CPPED1: variants seen among roughly 807,000 people sequenced by gnomAD.
CPPED1 encodes the protein serine/threonine-protein phosphatase CPPED1.
In CPPED1, 28 loss-of-function variants were observed where a neutral mutation model predicts 28.0. The ratio of observed to expected loss-of-function variants is 1.00; its 90% CI spans 0.74 to 1.37. The LOEUF (loss-of-function observed/expected upper bound fraction) is 1.37. CPPED1 is among the 40% of genes most tolerant of loss of function. The pLI is 0.00. For synonymous variants in CPPED1, 198 were observed against 180.2 expected (o/e 1.10, Z -0.79); for missense variants, 504 against 416.5 (o/e 1.21, Z -1.83).
chr16:12,715,848 A>T (rs1324275947), intron 2 of CPPED1, among the ~76,000 whole-genome samples: 1 of 152,168 alleles, frequency 6.6e-6, no homozygotes, highest in Non-Finnish European at 1.5e-5. Flanking sequence ...GGTTTTAAGG[A>T]AGCTTGTCCA....
chr16:12,672,210 T>C (rs1204402398), intron 3 of CPPED1, among the ~76,000 whole-genome samples: 1 of 152,200 alleles, frequency 6.6e-6, no homozygotes, highest in African/African-American at 2.4e-5. Context: ...AAAGAACTCA[T>C]GTTAAGGGGG....
At chr16:12,765,808 A>G (rs2080434745) in intron 2 of CPPED1, among the ~76,000 whole-genome samples, 1 of 152,066 alleles carries the variant, frequency 6.6e-6, no homozygotes, top group South Asian at 2.1e-4. Context: ...ATATGTCCTC[A>G]CCCGTTCTGG....
At chr16:12,736,201 T>G (rs958230429) in intron 2 of CPPED1, among the ~76,000 whole-genome samples, 1 of 144,416 alleles carries the variant, frequency 6.9e-6, no homozygotes, top group Non-Finnish European at 1.5e-5. Context: ...TATGCAAGTA[T>G]TACTAAACTC....
At chr16:12,788,985 C>T (rs1350051739) in intron 1 of CPPED1, among the ~76,000 whole-genome samples, 1 of 152,320 alleles carries the variant, frequency 6.6e-6, no homozygotes, top group Middle Eastern at 3.4e-3. Flanking sequence ...ACAAACTCGA[C>T]GTCTGTGGAT....
intron 2 of CPPED1, among the ~76,000 whole-genome samples, chr16:12,722,518 G>A (rs931439705): frequency 3.9e-5 from 6 of 152,062 alleles, no homozygotes; most frequent in East Asian, 1.9e-4. Context: ...AAAGCGGATC[G>A]CTGGAGCCCC....
Position 12,709,216 on chromosome 16 carries a change from C to CA in CPPED1, c.290-4168dup. 6.6e-6 allele frequency among the ~76,000 whole-genome samples: 1 copy of CA among 152,064 alleles called. No individual in the cohort carries two copies. Among genetic ancestry groups the CA allele is most frequent in the East Asian group, 1.9e-4 (1 of 5,184 alleles). Reference sequence around the variant, plus strand: ...TGTCTCACGCAGGGTTCTATGTTCACAAAAAGAATGTATATAAAGGACAGG... The same window carrying CA: ...TGTCTCACGCAGGGTTCTATGTTCACAAAAAAGAATGTATATAAAGGACAGG... On this transcript the variant is annotated intron_variant, in intron 2 of 3. Coordinates refer to ENST00000381774, the MANE Select transcript of CPPED1 (RefSeq NM_018340.3). The surrounding 1 kb of genome is among the most constrained non-coding windows in gnomAD (Gnocchi z 4.4).
At chr16:12,696,348 G>C (rs2079990135) in intron 3 of CPPED1, among the ~76,000 whole-genome samples, 1 of 152,080 alleles carries the variant, frequency 6.6e-6, no homozygotes, top group Admixed American at 6.6e-5. Flanking sequence ...GCCTGCTGTG[G>C]GGTCCCCAAA....
At chr16:12,692,536 G>A (rs902565051) in intron 3 of CPPED1, among the ~76,000 whole-genome samples, 8 of 152,260 alleles carry the variant, frequency 5.3e-5, no homozygotes, top group South Asian at 2.1e-4. Context: ...AAAACCCACC[G>A]CACCTGCTTC....
chr16:12,695,677 C>T (rs1251213694), intron 3 of CPPED1, among the ~76,000 whole-genome samples: 1 of 152,212 alleles, frequency 6.6e-6, no homozygotes, highest in Non-Finnish European at 1.5e-5. Context: ...TTTGGCCAAT[C>T]ACAGGCAGTC....
At chr16:12,711,495 C>T (rs1016175153) in intron 2 of CPPED1, among the ~76,000 whole-genome samples, 3 of 152,150 alleles carry the variant, frequency 2.0e-5, no homozygotes, top group African/African-American at 2.4e-5. Context: ...TGTAACGTTA[C>T]GTATATTCTG....
intron 3 of CPPED1, among the ~76,000 whole-genome samples, chr16:12,674,283 C>T (rs1216474769): frequency 2.0e-5 from 3 of 152,118 alleles, no homozygotes; most frequent in Non-Finnish European, 4.4e-5. Context: ...TGACTAACTC[C>T]GTCCTCCTGG....
chr16:12,785,314 G>A (rs1350634287), intron 1 of CPPED1, among the ~76,000 whole-genome samples: 1 of 152,042 alleles, frequency 6.6e-6, no homozygotes, highest in Admixed American at 6.6e-5. Context: ...CAGTGGCACA[G>A]TCATGGCTCC....
chr16:12,689,972 ATT>A (rs1464851843), intron 3 of CPPED1, among the ~76,000 whole-genome samples: 3 of 152,234 alleles, frequency 2.0e-5, no homozygotes, highest in Admixed American at 6.5e-5. Flanking sequence ...AGTAACAACC[ATT>A]TTATCAAACA....
At chr16:12,778,351 T>C (rs1485020686) in intron 2 of CPPED1, among the ~76,000 whole-genome samples, 1 of 148,890 alleles carries the variant, frequency 6.7e-6, no homozygotes, top group Admixed American at 6.7e-5. Context: ...ATCTTGCTCA[T>C]TGCAACCTCC....
chr16:12,741,473 CA>C (rs1312927534), intron 2 of CPPED1, among the ~76,000 whole-genome samples: 4 of 152,104 alleles, frequency 2.6e-5, no homozygotes, highest in African/African-American at 9.7e-5. Context: ...GCAGTTTTTG[CA>C]ATGGGCCTGA....
At chr16:12,710,514 T>C (rs535534545) in intron 2 of CPPED1, among the ~76,000 whole-genome samples, 1 of 149,244 alleles carries the variant, frequency 6.7e-6, no homozygotes, top group South Asian at 2.1e-4. Context: ...TGCAAAACGT[T>C]TGTGCATCAA....
intron 2 of CPPED1, among the ~76,000 whole-genome samples, chr16:12,727,280 C>T (rs2080175141): frequency 6.6e-6 from 1 of 152,206 alleles, no homozygotes; most frequent in African/African-American, 2.4e-5. Context: ...AACAGTAACA[C>T]TCAATGATCA....
At chr16:12,749,060 G>A (rs2080310323) in intron 2 of CPPED1, among the ~76,000 whole-genome samples, 1 of 152,084 alleles carries the variant, frequency 6.6e-6, no homozygotes, top group Non-Finnish European at 1.5e-5. Context: ...TGATGAGGAC[G>A]CTAGCTGCTG....
At chr16:12,747,497 TCCCTCTATAGGC>T (rs1279803569) in intron 2 of CPPED1, among the ~76,000 whole-genome samples, 1 of 151,252 alleles carries the variant, frequency 6.6e-6, no homozygotes, top group African/African-American at 2.4e-5. Flanking sequence ...AGGAAAAAAA[TCCCTCTATAGGC>T]ACATCATACT....
Sources: allele counts gnomAD v4.1 joint callset (sites outside exome capture counted in the v4.1 genomes callset), GRCh38; gene constraint gnomAD v4.1.1; non-coding constraint Gnocchi (gnomAD v3.1); transcripts MANE v1.5; gene names NCBI Gene and HGNC (gene_info 2026-07-23, HGNC 2026-07-21).